Variants in VIT observed in about 807,000 individuals in gnomAD.
VIT encodes vitrin.
Under a neutral mutation model 78.0 loss-of-function variants are expected in VIT, and 99 were observed. The observed-to-expected ratio is 1.27, with a 90% CI of 1.08 to 1.50. The LOEUF is 1.50. Among genes scored for constraint, VIT ranks in the 40% most tolerant of loss-of-function variants. The probability of loss-of-function intolerance (pLI) is 0.00; values close to 1 mark genes in which losing one functional copy is unlikely to be tolerated. For synonymous variants in VIT, 374 were observed against 334.3 expected (o/e 1.12, Z -1.29); for missense variants, 1,126 against 875.3 (o/e 1.29, Z -3.61).
chr2:36,719,431 C>T (rs721351), intron 2 of VIT, among the ~76,000 whole-genome samples: 2 of 151,940 alleles, frequency 1.3e-5, no homozygotes, highest in Non-Finnish European at 2.9e-5. Flanking sequence ...TACAGAAAGC[C>T]CTAAAGACTC....
intron 1 of VIT, among the ~76,000 whole-genome samples, chr2:36,701,246 T>A (rs537223121): frequency 6.6e-6 from 1 of 152,258 alleles, no homozygotes; most frequent in East Asian, 1.9e-4. Flanking sequence ...ATCTCCTTTT[T>A]GGGTGGATGG....
intron 2 of VIT, among the ~76,000 whole-genome samples, chr2:36,720,045 T>C (rs1666397704): frequency 6.6e-6 from 1 of 152,206 alleles, no homozygotes; most frequent in Non-Finnish European, 1.5e-5. Flanking sequence ...AAAATGCCTA[T>C]ACTATCCAAA....
At chr2:36,760,098 G>A (rs1054002158) in intron 6 of VIT, among the ~76,000 whole-genome samples, 2 of 151,610 alleles carry the variant, frequency 1.3e-5, no homozygotes, top group East Asian at 1.9e-4. Flanking sequence ...AGGTTCAAGC[G>A]ATTCTCCTGC....
At chr2:36,737,669 G>A (rs1476091466) in intron 3 of VIT, among the ~76,000 whole-genome samples, 1 of 152,210 alleles carries the variant, frequency 6.6e-6, no homozygotes, top group South Asian at 2.1e-4. Flanking sequence ...GCATGAAGAG[G>A]TCATTGTTCT....
At chr2:36,800,754 A>C (rs115904766) in intron 12 of VIT, among the ~76,000 whole-genome samples, 1,616 of 152,348 alleles carry the variant, frequency 0.011, 19 homozygotes, top group African/African-American at 0.037. Flanking sequence ...TTCAGTCTTC[A>C]GCAAAATAGA....
chr2:36,783,250 G>C, intron 10 of VIT, 90 bp from the exon 11 acceptor site: 1 of 1,274,512 alleles, frequency 7.8e-7, no homozygotes, highest in Non-Finnish European at 1.1e-6. Context: ...CCCAAGCTGG[G>C]TGTGAATATC....
intron 3 of VIT, among the ~76,000 whole-genome samples, chr2:36,732,521 A>C (rs1207570015): frequency 2.6e-5 from 4 of 152,186 alleles, no homozygotes; most frequent in African/African-American, 9.7e-5. Context: ...CTTGAGGCCA[A>C]AGTCATTTTC....
chr2:36,789,234 C>T (rs532915859), intron 12 of VIT, among the ~76,000 whole-genome samples: 2 of 152,292 alleles, frequency 1.3e-5, no homozygotes, highest in African/African-American at 4.8e-5. Context: ...CTCTGTGTGA[C>T]CTTAAGCCAG....
intron 5 of VIT, 108 bp from the exon 6 acceptor site, chr2:36,758,861 T>C (rs1485936362): frequency 6.1e-5 from 59 of 964,894 alleles, no homozygotes; most frequent in South Asian, 2.6e-4. Context: ...ACTGATTTTA[T>C]TGAACTGAAG....
chr2:36,748,359 G>A (rs1446004374), intron 4 of VIT, among the ~76,000 whole-genome samples: 1 of 152,148 alleles, frequency 6.6e-6, no homozygotes, highest in Non-Finnish European at 1.5e-5. Context: ...CTCTCAGGAA[G>A]GCCAATGAGT....
rs1412111555 is a variant in VIT, at chr2:36,805,776, C to T, written c.1389+112C>T. ...CTTTAAATGTGCATGAAGCTCATCTCTAGGCAGTAAGGCCTCCAGGGAGGG... is the reference window on the plus strand; with the variant it reads ...CTTTAAATGTGCATGAAGCTCATCTTTAGGCAGTAAGGCCTCCAGGGAGGG... On this transcript the variant is annotated intron_variant, in intron 14 of 15. Transcript: ENST00000379242. The T allele has an allele frequency of 3.3e-6, 4 of 1,211,648 alleles. No homozygotes were observed. In the Admixed American group the frequency reaches 1.0e-4, roughly 31 times the overall value. The allele number at this position is 1,211,648 out of a possible 1,614,324, so 75.1% of individuals were successfully genotyped here.
intron 6 of VIT, among the ~76,000 whole-genome samples, chr2:36,760,245 G>A (rs182899791): frequency 2.0e-4 from 31 of 152,054 alleles, no homozygotes; most frequent in Non-Finnish European, 3.4e-4. Flanking sequence ...CTCCCGCCTC[G>A]GCCTTCCAAA....
chr2:36,702,873 G>T (rs919269069), intron 1 of VIT, among the ~76,000 whole-genome samples: 1 of 152,188 alleles, frequency 6.6e-6, no homozygotes, highest in African/African-American at 2.4e-5. Flanking sequence ...AATCCGTTCT[G>T]TCTGGGGGTT....
At chr2:36,772,522 C>T (rs185131880) in intron 7 of VIT, among the ~76,000 whole-genome samples, 2 of 151,892 alleles carry the variant, frequency 1.3e-5, no homozygotes, top group South Asian at 2.1e-4. Flanking sequence ...GCAACAAGAG[C>T]GAAACTCCAT....
intron 1 of VIT, among the ~76,000 whole-genome samples, chr2:36,715,184 C>T (rs574658825): frequency 1.3e-5 from 2 of 152,196 alleles, no homozygotes; most frequent in Non-Finnish European, 2.9e-5. Context: ...CACTACCCCC[C>T]ACCTACTGGA....
intron 12 of VIT, among the ~76,000 whole-genome samples, chr2:36,798,065 A>G (rs1232368370): frequency 1.3e-5 from 2 of 152,194 alleles, no homozygotes; most frequent in African/African-American, 4.8e-5. Flanking sequence ...TAGAACATGG[A>G]ATATCCTAAA....
intron 9 of VIT, among the ~76,000 whole-genome samples, chr2:36,775,898 G>T (rs1670018942): frequency 6.6e-6 from 1 of 152,108 alleles, no homozygotes; most frequent in South Asian, 2.1e-4. Flanking sequence ...AGTAAAGGCA[G>T]GTAAGAACAT....
chr2:36,759,323 GT>G (rs1460537367), intron 6 of VIT: 8 of 1,434,098 alleles, frequency 5.6e-6, no homozygotes, highest in Non-Finnish European at 7.3e-6. Context: ...GAGTTTTAAT[GT>G]ATTGTTGCTT....
chr2:36,806,543 T>C (rs1666739921), intron 14 of VIT, among the ~76,000 whole-genome samples: 1 of 151,938 alleles, frequency 6.6e-6, no homozygotes, highest in South Asian at 2.1e-4. Flanking sequence ...TGCTTCCACC[T>C]TTATCTCTTT....
Sources: allele counts gnomAD v4.1 joint callset (sites outside exome capture counted in the v4.1 genomes callset), GRCh38; gene constraint gnomAD v4.1.1; transcripts MANE v1.5; gene names NCBI Gene and HGNC (gene_info 2026-07-23, HGNC 2026-07-21).